Variants in LOXHD1 observed in about 807,000 individuals in gnomAD.
LOXHD1 encodes lipoxygenase homology domain-containing protein 1.
Under a neutral mutation model 248.2 loss-of-function variants are expected in LOXHD1, and 205 were observed. The ratio of observed to expected loss-of-function variants is 0.83; its 90% CI spans 0.74 to 0.93. The LOEUF is 0.93. Among genes scored for constraint, LOXHD1 ranks in the 40% least tolerant of loss-of-function variants. The probability of loss-of-function intolerance (pLI) is 0.00; values close to 1 mark genes in which losing one functional copy is unlikely to be tolerated. For synonymous variants in LOXHD1, 1,113 were observed against 1,162.8 expected, an observed-to-expected ratio of 0.96 and a Z score of 0.87; for missense variants, 2,930 against 2,971.6, an observed-to-expected ratio of 0.99 and a Z score of 0.33.
At chr18:46,648,615 C>T (rs112268786) in intron 2 of LOXHD1, among the ~76,000 whole-genome samples, 5 of 152,140 alleles carry the variant, frequency 3.3e-5, no homozygotes, top group African/African-American at 7.2e-5. Context: ...AAGGAGACAA[C>T]GGTCCCAACT....
intron 28 of LOXHD1, among the ~76,000 whole-genome samples, chr18:46,531,191 C>T (rs1018181525): frequency 4.6e-5 from 7 of 152,072 alleles, no homozygotes; most frequent in Non-Finnish European, 1.0e-4. Flanking sequence ...TCAGAGACAC[C>T]GCCAGGGGCA....
intron 25 of LOXHD1, among the ~76,000 whole-genome samples, chr18:46,538,704 C>T (rs1050325797): frequency 2.0e-5 from 3 of 152,198 alleles, no homozygotes; most frequent in Admixed American, 6.5e-5. Context: ...AATTCTGAGC[C>T]TCAGTGTCCA....
chr18:46,496,067 G>A (rs1404567430), intron 37 of LOXHD1, among the ~76,000 whole-genome samples: 1 of 152,084 alleles, frequency 6.6e-6, no homozygotes, highest in African/African-American at 2.4e-5. Flanking sequence ...TGTTTGGGGT[G>A]ACATGACATG....
intron 6 of LOXHD1, among the ~76,000 whole-genome samples, chr18:46,609,023 A>G (rs1409838935): frequency 1.3e-5 from 2 of 152,262 alleles, no homozygotes; most frequent in Non-Finnish European, 2.9e-5. Context: ...AGTGAAATGT[A>G]GCCAGAAGTT....
chr18:46,560,589 T>G (rs2037504356), intron 18 of LOXHD1, 44 bp from the exon 19 acceptor site: 2 of 1,474,336 alleles, frequency 1.4e-6, no homozygotes, highest in African/African-American at 2.8e-5. Flanking sequence ...CCCAGCGTCC[T>G]CCCCAACGCC....
chr18:46,633,773 TAAA>T (rs1285139900), intron 4 of LOXHD1, among the ~76,000 whole-genome samples: 1 of 152,092 alleles, frequency 6.6e-6, no homozygotes, highest in African/African-American at 2.4e-5. Flanking sequence ...AATTCAACAA[TAAA>T]AAGATAAACA....
rs1169855802 is a variant in LOXHD1 at position 46,559,430 on chromosome 18, C to A, written c.3216+18G>T. ...AAACCCACAGCCCCCACCCAGGGGC[C>A]AGAGACCCTCACCCTACCTGCCCCT... On this transcript the variant is annotated intron_variant, in intron 20 of 40. Transcript: ENST00000642948. 2 of 1,552,036 alleles carry A rather than the reference C, an allele frequency of 1.3e-6. No homozygotes were observed.
chr18:46,654,217 G>GA (rs995980211), intron 1 of LOXHD1, among the ~76,000 whole-genome samples: 3 of 151,316 alleles, frequency 2.0e-5, no homozygotes, highest in African/African-American at 4.9e-5. Flanking sequence ...TTTTGAGGAA[G>GA]AAAAAAAAAT....
intron 21 of LOXHD1, chr18:46,556,865 C>T (rs1335987347): frequency 3.5e-5 from 8 of 226,960 alleles, no homozygotes; most frequent in East Asian, 2.5e-4. Context: ...CACCCTGTGA[C>T]GTCACAGCCA....
At chr18:46,550,869 T>G (rs2143878916) in intron 21 of LOXHD1, among the ~76,000 whole-genome samples, 1 of 152,234 alleles carries the variant, frequency 6.6e-6, no homozygotes, top group African/African-American at 2.4e-5. Context: ...GTAATTGAAG[T>G]GATAAGGATG....
At chr18:46,510,188 T>C (rs1008375160) in intron 34 of LOXHD1, among the ~76,000 whole-genome samples, 1 of 152,206 alleles carries the variant, frequency 6.6e-6, no homozygotes. Flanking sequence ...CAAATGGATG[T>C]GAAATCAACT....
At chr18:46,520,091 C>A (rs1482728917) in intron 33 of LOXHD1, among the ~76,000 whole-genome samples, 1 of 152,130 alleles carries the variant, frequency 6.6e-6, no homozygotes, top group Non-Finnish European at 1.5e-5. Context: ...TCACCCACAC[C>A]ATCCGTCTGG....
chr18:46,639,481 A>AC (rs1282459785), intron 4 of LOXHD1, 135 bp downstream of exon 4: 3 of 1,086,062 alleles, frequency 2.8e-6, no homozygotes, highest in Non-Finnish European at 3.9e-6. Context: ...CTTGGCCCTA[A>AC]CCAACAGGAA....
At chr18:46,595,859 G>C (rs2038249214) in intron 8 of LOXHD1, among the ~76,000 whole-genome samples, 1 of 152,110 alleles carries the variant, frequency 6.6e-6, no homozygotes, top group Non-Finnish European at 1.5e-5. Flanking sequence ...TTCTCTCATT[G>C]TTAACTGTGT....
intron 33 of LOXHD1, among the ~76,000 whole-genome samples, chr18:46,518,533 G>A (rs760778132): frequency 1.1e-4 from 16 of 152,230 alleles, no homozygotes; most frequent in Non-Finnish European, 2.2e-4. Context: ...GACGCTGTCA[G>A]TTGAATTCCA....
In LOXHD1 at chr18:46,607,443, CACATATATATGGGTGATAATATGAT is replaced by C. The variant is rs2038434810; in HGVS notation, c.760-3239_760-3215del. ...TGGTGTCATAATGAATATATATACA[CACATATATATGGGTGATAATATGAT>C]ACATATATATAGGTGATAAGTGATA... is the stretch of plus-strand genomic sequence containing the variant. On this transcript the variant is annotated intron_variant, in intron 6 of 40. Transcript: ENST00000642948. 4.0e-5 allele frequency among the ~76,000 whole-genome samples: 6 copies of C among 149,314 alleles called. No homozygotes were observed. In the South Asian group the frequency reaches 1.3e-3, roughly 31 times the overall value.
intron 6 of LOXHD1, among the ~76,000 whole-genome samples, chr18:46,605,984 G>A (rs571295147): frequency 6.5e-4 from 99 of 152,236 alleles, no homozygotes; most frequent in African/African-American, 2.3e-3. Flanking sequence ...GCAGAACTCT[G>A]GAAAGAACCT....
chr18:46,534,498 A>C, intron 26 of LOXHD1, 47 bp from the exon 27 acceptor site: 1 of 1,450,418 alleles, frequency 6.9e-7, no homozygotes, highest in Non-Finnish European at 9.5e-7. Flanking sequence ...AAGATCCAGG[A>C]AAGTATGGCC....
chr18:46,543,242 C>T (rs994561117), intron 23 of LOXHD1, among the ~76,000 whole-genome samples: 10 of 152,122 alleles, frequency 6.6e-5, no homozygotes, highest in African/African-American at 2.4e-4. Context: ...TAGCTTAGCT[C>T]TCTTTTATAA....
Sources: gnomAD v4.1 joint callset for allele counts (sites outside exome capture counted in the v4.1 genomes callset) on GRCh38, gnomAD v4.1.1 for gene constraint, MANE v1.5 for transcripts, NCBI Gene and HGNC (gene_info 2026-07-23, HGNC 2026-07-21) for gene names.